EPAS1: variants seen among roughly 807,000 people sequenced by gnomAD.
EPAS1 encodes endothelial PAS domain protein 1.
In EPAS1, 23 loss-of-function variants were observed where a neutral mutation model predicts 87.9. That is an observed-to-expected ratio of 0.26 (90% CI 0.19 to 0.37). The LOEUF (loss-of-function observed/expected upper bound fraction) is 0.37, where lower values mean the gene tolerates loss of function less well. Among genes scored for constraint, EPAS1 ranks in the 10% least tolerant of loss-of-function variants. The pLI, the probability that EPAS1 is intolerant of heterozygous loss-of-function variation, is 1.00. For synonymous variants in EPAS1, 508 were observed against 444.3 expected, an observed-to-expected ratio of 1.14 and a Z score of -1.80; for missense variants, 1,138 against 1,120.7, an observed-to-expected ratio of 1.02 and a Z score of -0.22.
chr2:46,375,188 A>AC lies in EPAS1; in HGVS notation c.887-502_887-501insC, dbSNP rs1448040642. The stretch of plus-strand genomic sequence containing the variant: ...GGTGGTGGGTCTGCTGAAAAAAAAA[A>AC]ACAAAAAAAAACAAAAAAAACTGCC... On this transcript the variant is annotated intron_variant, in intron 7 of 15. Transcript: ENST00000263734. This position sits in a 1 kb window ranked among gnomAD's most constrained non-coding sequence, Gnocchi z 4.1. Among the ~76,000 whole-genome samples the AC allele has an allele frequency of 3.6e-5, 5 of 139,096 alleles. No homozygotes were observed. The highest frequency in any genetic ancestry group is 2.1e-4 in the South Asian group (1 of 4,702). The allele number at this position is 139,096 out of a possible 152,430, so 91.3% of individuals were successfully genotyped here.
chr2:46,328,326 C>A (rs1171773432), intron 1 of EPAS1, among the ~76,000 whole-genome samples: 1 of 152,190 alleles, frequency 6.6e-6, no homozygotes, highest in African/African-American at 2.4e-5. Flanking sequence ...GTACTTCTGT[C>A]CCCATGACCA....
intron 2 of EPAS1, 70 bp from the exon 3 acceptor site, chr2:46,356,081 C>A: frequency 6.6e-7 from 1 of 1,516,044 alleles, no homozygotes; most frequent in Admixed American, 1.7e-5. Context: ...TGGCAAATGC[C>A]TATCTGTGCC....
intron 1 of EPAS1, among the ~76,000 whole-genome samples, chr2:46,335,190 G>A (rs1037033423): frequency 6.6e-6 from 1 of 152,090 alleles, no homozygotes; most frequent in Non-Finnish European, 1.5e-5. Context: ...CAGAAGTTCT[G>A]GCAACATGTT....
At chr2:46,381,409 G>A in intron 12 of EPAS1, 187 bp from the exon 13 acceptor site, 2 of 860,282 alleles carry the variant, frequency 2.3e-6, no homozygotes, top group Admixed American at 4.1e-5. Flanking sequence ...GCATCTTATA[G>A]CTGAGGAAGG....
chr2:46,308,826 C>G (rs1340475452), intron 1 of EPAS1, among the ~76,000 whole-genome samples: 3 of 152,198 alleles, frequency 2.0e-5, no homozygotes, highest in Non-Finnish European at 4.4e-5. Context: ...AGGGCACTAG[C>G]TCTCAGTTCA....
chr2:46,338,995 A>G (rs918592607), intron 1 of EPAS1, among the ~76,000 whole-genome samples: 1 of 152,186 alleles, frequency 6.6e-6, no homozygotes, highest in Non-Finnish European at 1.5e-5. Flanking sequence ...CTTTTATTGT[A>G]AGAAGTAAGC....
intron 1 of EPAS1, among the ~76,000 whole-genome samples, chr2:46,332,868 C>T (rs1186416828): frequency 2.0e-5 from 3 of 152,008 alleles, no homozygotes; most frequent in East Asian, 1.9e-4. Context: ...TCTGTAGTGT[C>T]GAGGAGGTGG....
chr2:46,369,818 A>G lies in EPAS1; in HGVS notation c.780-9A>G. 6.2e-7 allele frequency: 1 copy of G among 1,608,974 alleles called. No individual in the cohort carries two copies. The highest frequency in any genetic ancestry group is 8.5e-7 in the Non-Finnish European group (1 of 1,176,746). ...TTCTTCCTTACATGCTGCCTTTTTA[A>G]AAACTCAGAATCACAGAACTGATTG... On this transcript the variant is annotated splice_polypyrimidine_tract_variant and intron_variant, in intron 6 of 15. Transcript: ENST00000263734.
chr2:46,381,924 G>T, intron 13 of EPAS1, 51 bp from the exon 14 acceptor site: 9 of 1,531,948 alleles, frequency 5.9e-6, no homozygotes, highest in Non-Finnish European at 8.1e-6. Context: ...CCAGTCTGGG[G>T]ACCTGGTTCT....
At chr2:46,304,060 G>A (rs1305530440) in intron 1 of EPAS1, among the ~76,000 whole-genome samples, 2 of 152,218 alleles carry the variant, frequency 1.3e-5, no homozygotes, top group Non-Finnish European at 2.9e-5. Flanking sequence ...AAAAATGACT[G>A]TGAAAACAAA....
chr2:46,356,488 C>G (rs571520814), intron 3 of EPAS1, among the ~76,000 whole-genome samples, 186 bp downstream of exon 3: 1 of 152,184 alleles, frequency 6.6e-6, no homozygotes, highest in African/African-American at 2.4e-5. Context: ...TGGCTTTGCT[C>G]ATGTCCATCC....
intron 6 of EPAS1, among the ~76,000 whole-genome samples, chr2:46,363,352 G>A (rs573283515): frequency 1.8e-4 from 27 of 152,242 alleles, no homozygotes; most frequent in African/African-American, 6.3e-4. Flanking sequence ...CATAAGCACT[G>A]GGAAAACCCT....
intron 1 of EPAS1, among the ~76,000 whole-genome samples, chr2:46,336,278 T>C (rs1349413474): frequency 6.6e-6 from 1 of 152,092 alleles, no homozygotes; most frequent in East Asian, 1.9e-4. Flanking sequence ...AAGTGGAAGA[T>C]GTTGTGTCTG....
chr2:46,368,480 T>G (rs1684551425), intron 6 of EPAS1, among the ~76,000 whole-genome samples: 1 of 152,174 alleles, frequency 6.6e-6, no homozygotes, highest in Non-Finnish European at 1.5e-5. Context: ...CAGCATTTAC[T>G]GTTGGTGTGG....
chr2:46,343,971 C>T (rs146236576), intron 1 of EPAS1, among the ~76,000 whole-genome samples: 1 of 152,206 alleles, frequency 6.6e-6, no homozygotes, highest in Admixed American at 6.5e-5. Flanking sequence ...AGATAGGGAT[C>T]CCCTGTGTGT....
At chr2:46,348,695 C>T (rs1684085387) in intron 2 of EPAS1, among the ~76,000 whole-genome samples, 1 of 152,184 alleles carries the variant, frequency 6.6e-6, no homozygotes, top group South Asian at 2.1e-4. Flanking sequence ...TATCCCTTAT[C>T]CGAAATGCTT....
chr2:46,357,967 C>T (rs1684305211), intron 4 of EPAS1, among the ~76,000 whole-genome samples: 1 of 152,178 alleles, frequency 6.6e-6, no homozygotes, highest in Non-Finnish European at 1.5e-5. Context: ...AGGTCCCTTC[C>T]AAACCTGAGA....
At chr2:46,329,494 A>C (rs12712973) in intron 1 of EPAS1, among the ~76,000 whole-genome samples, 97,902 of 152,056 alleles carry the variant, frequency 0.64, 32,973 homozygotes, top group East Asian at 0.97. Flanking sequence ...CTTGCCTATT[A>C]ATTGGCCTGT....
At chr2:46,379,720 T>G in intron 11 of EPAS1, 1 of 187,962 alleles carries the variant, frequency 5.3e-6, no homozygotes, top group South Asian at 1.2e-4. Flanking sequence ...TCTCTGTCCC[T>G]GGGGTCTGGC....
Sources: gnomAD v4.1 joint callset for allele counts (sites outside exome capture counted in the v4.1 genomes callset) on GRCh38, gnomAD v4.1.1 for gene constraint, Gnocchi (gnomAD v3.1) non-coding constraint, MANE v1.5 for transcripts, NCBI Gene and HGNC (gene_info 2026-07-23, HGNC 2026-07-21) for gene names.